Variants in RIMS1 observed in about 807,000 individuals in gnomAD.
RIMS1 encodes regulating synaptic membrane exocytosis protein 1.
RIMS1 carries 83 observed loss-of-function variants against 214.1 expected under a neutral mutation model. The observed-to-expected ratio is 0.39, with a 90% confidence interval of 0.32 to 0.47. The LOEUF is 0.47. Among genes scored for constraint, RIMS1 ranks in the 20% least tolerant of loss-of-function variants. The probability of loss-of-function intolerance (pLI) is 0.99; values close to 1 mark genes in which losing one functional copy is unlikely to be tolerated. For synonymous variants in RIMS1, 793 were observed against 786.8 expected, an observed-to-expected ratio of 1.01 and a Z score of -0.13; for missense variants, 2,050 against 2,161.8, an observed-to-expected ratio of 0.95 and a Z score of 1.03.
intron 4 of RIMS1, among the ~76,000 whole-genome samples, chr6:72,175,593 A>T (rs1218877615): frequency 6.6e-6 from 1 of 152,080 alleles, no homozygotes; most frequent in Non-Finnish European, 1.5e-5. Context: ...GAATCGCTTG[A>T]ACCCAAGAGG....
intron 4 of RIMS1, 148 bp from the exon 5 acceptor site, chr6:72,179,427 C>A: frequency 1.3e-6 from 1 of 745,894 alleles, no homozygotes; most frequent in Non-Finnish European, 2.3e-6. Flanking sequence ...TTGACTGTGA[C>A]TTGTGGGAGG....
chr6:72,400,214 ATG>A (rs2098825504), intron 33 of RIMS1, among the ~76,000 whole-genome samples: 1 of 151,342 alleles, frequency 6.6e-6, no homozygotes, highest in Non-Finnish European at 1.5e-5. Context: ...AAATACTCTT[ATG>A]TATTTATTTC....
intron 2 of RIMS1, among the ~76,000 whole-genome samples, chr6:72,022,726 T>A (rs1815111291): frequency 6.6e-6 from 1 of 152,120 alleles, no homozygotes; most frequent in African/African-American, 2.4e-5. Flanking sequence ...TTTTTCCCAT[T>A]TAAAATATTG....
At chr6:72,057,429 T>A (rs1826503475) in intron 2 of RIMS1, among the ~76,000 whole-genome samples, 1 of 152,046 alleles carries the variant, frequency 6.6e-6, no homozygotes, top group Non-Finnish European at 1.5e-5. Context: ...TGTATGGGGA[T>A]AACCTTCTCT....
At chr6:72,284,371 A>G (rs2091535900) in intron 24 of RIMS1, among the ~76,000 whole-genome samples, 1 of 152,212 alleles carries the variant, frequency 6.6e-6, no homozygotes, top group Non-Finnish European at 1.5e-5. Context: ...TCTGATTACT[A>G]ATAAGGATTA....
intron 29 of RIMS1, among the ~76,000 whole-genome samples, chr6:72,371,850 G>A (rs1186186687): frequency 2.0e-5 from 3 of 152,218 alleles, no homozygotes; most frequent in East Asian, 1.9e-4. Context: ...ATTTACTGGC[G>A]ATGATCTCAG....
intron 10 of RIMS1, among the ~76,000 whole-genome samples, chr6:72,244,632 T>G (rs1161746808): frequency 6.6e-6 from 1 of 151,840 alleles, no homozygotes; most frequent in African/African-American, 2.4e-5. Flanking sequence ...GTATTGTAAA[T>G]TAGTCTTTTA....
chr6:72,090,051 G>A (rs1835794649), intron 2 of RIMS1, among the ~76,000 whole-genome samples: 1 of 150,090 alleles, frequency 6.7e-6, no homozygotes, highest in Non-Finnish European at 1.5e-5. Context: ...GGATAGCATT[G>A]GCAGATATAC....
chr6:72,087,331 T>C (rs1460406086), intron 2 of RIMS1, among the ~76,000 whole-genome samples: 4 of 152,180 alleles, frequency 2.6e-5, no homozygotes, highest in African/African-American at 9.7e-5. Flanking sequence ...GAAAAATTAG[T>C]GCCCTTCACA....
chr6:72,213,263 A>G, intron 6 of RIMS1: 5 of 1,495,370 alleles, frequency 3.3e-6, no homozygotes, highest in Non-Finnish European at 4.5e-6. Flanking sequence ...ATTTTGTCCC[A>G]GTTGTACCTA....
chr6:71,984,749 G>A (rs924582349), intron 2 of RIMS1, among the ~76,000 whole-genome samples: 1 of 137,718 alleles, frequency 7.3e-6, no homozygotes, highest in African/African-American at 2.7e-5. Context: ...ATCTGTGTAT[G>A]TATGTATGTA....
rs143208745 is a variant in RIMS1 at position 72,136,118 on chromosome 6, T to A, written c.471+36132T>A. Among the ~76,000 whole-genome samples, 231 of 152,260 alleles carry A rather than the reference T, an allele frequency of 1.5e-3. 1 individual carries two copies. The highest frequency in any genetic ancestry group is 5.2e-3 in the African/African-American group (216 of 41,552). ...AGAACTGGTAAATAACAGACAGAAC[T>A]GAGGACAGAATCAGTAATCTATAAG... On this transcript the variant is annotated intron_variant, in intron 4 of 33. Coordinates refer to ENST00000521978, the MANE Select transcript of RIMS1 (RefSeq NM_014989.7).
At chr6:72,121,755 T>C (rs1190526817) in intron 4 of RIMS1, among the ~76,000 whole-genome samples, 1 of 151,886 alleles carries the variant, frequency 6.6e-6, no homozygotes, top group African/African-American at 2.4e-5. Flanking sequence ...ATGCTTCCAG[T>C]TTTTGCCCAT....
At chr6:72,323,104 A>G (rs1437305651) in intron 28 of RIMS1, among the ~76,000 whole-genome samples, 2 of 152,104 alleles carry the variant, frequency 1.3e-5, no homozygotes, top group Non-Finnish European at 2.9e-5. Context: ...CTCTAGAAAT[A>G]AGCATTACAC....
chr6:71,887,221 C>T (rs746511728), intron 1 of RIMS1, 34 bp downstream of exon 1: 36 of 1,583,718 alleles, frequency 2.3e-5, no homozygotes, highest in Non-Finnish European at 2.8e-5. Context: ...TCCATGCCTC[C>T]GTGCCTCCAT....
intron 2 of RIMS1, among the ~76,000 whole-genome samples, chr6:72,062,948 C>T (rs1037792884): frequency 5.9e-5 from 9 of 152,074 alleles, no homozygotes; most frequent in South Asian, 2.1e-4. Context: ...CTAATAATCT[C>T]GTTTTAACTT....
At chr6:71,965,018 T>C (rs1185562302) in intron 1 of RIMS1, among the ~76,000 whole-genome samples, 4 of 152,158 alleles carry the variant, frequency 2.6e-5, no homozygotes, top group Non-Finnish European at 5.9e-5. Context: ...AACCTCATAT[T>C]ATCTTAACTG....
intron 6 of RIMS1, among the ~76,000 whole-genome samples, chr6:72,220,196 G>A (rs1033366340): frequency 6.6e-6 from 1 of 151,972 alleles, no homozygotes; most frequent in Non-Finnish European, 1.5e-5. Context: ...GATAATTCTG[G>A]GAGCTAAAGG....
At chr6:72,372,956 T>G (rs2098265493) in intron 29 of RIMS1, among the ~76,000 whole-genome samples, 1 of 152,218 alleles carries the variant, frequency 6.6e-6, no homozygotes, top group Admixed American at 6.5e-5. Flanking sequence ...GCTTTCATAA[T>G]AAGACAATTC....
Sources: gnomAD v4.1 joint callset for allele counts (sites outside exome capture counted in the v4.1 genomes callset) on GRCh38, gnomAD v4.1.1 for gene constraint, MANE v1.5 for transcripts, NCBI Gene and HGNC (gene_info 2026-07-23, HGNC 2026-07-21) for gene names.